The following GPC3 variants were observed in gnomAD, a reference collection of about 807,000 sequenced individuals.
The protein encoded by GPC3 is glypican 3, also known as glypican-3.
A neutral mutation model predicts 34.4 loss-of-function variants in GPC3; 3 were observed. The ratio of observed to expected loss-of-function variants is 0.09; its 90% confidence interval spans 0.04 to 0.23. The LOEUF (loss-of-function observed/expected upper bound fraction) is 0.23, where lower values mean the gene tolerates loss of function less well. Among genes scored for constraint, GPC3 ranks in the 10% least tolerant of loss-of-function variants. The pLI, the probability that GPC3 is intolerant of heterozygous loss-of-function variation, is 1.00. For missense variants in GPC3, 351 were observed against 445.6 expected (o/e 0.79, Z 1.91); for synonymous variants, 177 against 174.0 (o/e 1.02, Z -0.13).
At chrX:133,852,701 C>T (rs2124560540) in intron 2 of GPC3, among the ~76,000 whole-genome samples, 1 of 111,090 alleles carries the variant, frequency 9.0e-6, no homozygotes, top group East Asian at 2.8e-4. Flanking sequence ...CTGAAGGTGG[C>T]CAGGCTTCCA....
At chrX:133,786,256 G>A (rs757213406) in intron 2 of GPC3, among the ~76,000 whole-genome samples, 5 of 111,473 alleles carry the variant, frequency 4.5e-5, no homozygotes, top group South Asian at 3.8e-4. Context: ...TTAGCTGGGC[G>A]TGGTGGCAGG....
chrX:133,613,732 A>G (rs1332650268), intron 6 of GPC3, among the ~76,000 whole-genome samples: 1 of 112,079 alleles, frequency 8.9e-6, no homozygotes. Flanking sequence ...TGGCTCATAC[A>G]CAGGGGAAAA....
chrX:133,777,528 A>G (rs753733906), intron 2 of GPC3, among the ~76,000 whole-genome samples: 2 of 111,692 alleles, frequency 1.8e-5, no homozygotes, highest in East Asian at 5.7e-4. Context: ...CCATCATGAA[A>G]CTATTAATAT....
chrX:133,922,894 T>C (rs886610702), intron 2 of GPC3, among the ~76,000 whole-genome samples: 5 of 111,394 alleles, frequency 4.5e-5, no homozygotes, highest in Non-Finnish European at 9.4e-5. Flanking sequence ...CCAGCTTATT[T>C]ACTTGATCCT....
At chrX:133,788,512 C>T (rs893255365) in intron 2 of GPC3, among the ~76,000 whole-genome samples, 7 of 109,717 alleles carry the variant, frequency 6.4e-5, no homozygotes, top group Non-Finnish European at 1.3e-4. Context: ...AAGAGGTTGC[C>T]CCTTTCTTGC....
intron 3 of GPC3, among the ~76,000 whole-genome samples, chrX:133,713,398 A>G (rs1228668109): frequency 2.7e-5 from 3 of 112,240 alleles, no homozygotes; most frequent in African/African-American, 9.7e-5. Flanking sequence ...CACATTTTAA[A>G]AAAAGCTAGT....
At chrX:133,699,858 A>G in intron 4 of GPC3, 37 bp downstream of exon 4, 1 of 1,150,929 alleles carries the variant, frequency 8.7e-7, no homozygotes. Flanking sequence ...ACAATTGTTA[A>G]TTGTATTGTG....
chrX:133,683,525 C>T (rs1387613314), intron 5 of GPC3, among the ~76,000 whole-genome samples: 1 of 111,924 alleles, frequency 8.9e-6, no homozygotes, highest in African/African-American at 3.2e-5. Context: ...CTTTGTATCA[C>T]AAAATGATCC....
chrX:133,779,879 T>C (rs1381001155), intron 2 of GPC3, among the ~76,000 whole-genome samples: 1 of 111,342 alleles, frequency 9.0e-6, no homozygotes, highest in Non-Finnish European at 1.9e-5. Flanking sequence ...ACTCACCACC[T>C]CATAATTTTT....
intron 6 of GPC3, among the ~76,000 whole-genome samples, chrX:133,598,319 A>AT (rs775555818): frequency 2.6e-3 from 255 of 99,079 alleles, no homozygotes; most frequent in South Asian, 5.4e-3. Flanking sequence ...TCCCCAGCTA[A>AT]TTTTTTTTTT....
intron 6 of GPC3, among the ~76,000 whole-genome samples, chrX:133,658,798 A>G (rs774891300): frequency 2.7e-5 from 3 of 112,108 alleles, no homozygotes; most frequent in South Asian, 3.7e-4. Flanking sequence ...GGAAAAAGGA[A>G]TTGTAATAGC....
chrX:133,618,702 A>T (rs944318748), intron 6 of GPC3, among the ~76,000 whole-genome samples: 3 of 85,401 alleles, frequency 3.5e-5, no homozygotes, highest in African/African-American at 1.5e-4. Context: ...CACTGTATCA[A>T]AAAAAAAAAA....
intron 6 of GPC3, among the ~76,000 whole-genome samples, chrX:133,658,731 C>G (rs978018664): frequency 3.6e-5 from 4 of 111,885 alleles, no homozygotes; most frequent in African/African-American, 1.3e-4. Context: ...ATTGGCTGCT[C>G]AATGGTATTT....
At chrX:133,827,346 A>C (rs1050171582) in intron 2 of GPC3, among the ~76,000 whole-genome samples, 1 of 112,435 alleles carries the variant, frequency 8.9e-6, no homozygotes, top group African/African-American at 3.2e-5. Context: ...TTTTGCGTGT[A>C]ACCCCTTTTT....
chrX:133,611,063 G>A (rs2070105504), intron 6 of GPC3, among the ~76,000 whole-genome samples: 1 of 110,018 alleles, frequency 9.1e-6, no homozygotes, highest in Admixed American at 9.8e-5. Flanking sequence ...ATCAGTTGAG[G>A]GCAGGTAAAG....
intron 2 of GPC3, among the ~76,000 whole-genome samples, chrX:133,945,423 T>G (rs2076363353): frequency 9.1e-6 from 1 of 110,107 alleles, no homozygotes; most frequent in African/African-American, 3.3e-5. Context: ...AGTTTGAGTT[T>G]AATTGAGAAA....
At chrX:133,925,301 G>T (rs2076270359) in intron 2 of GPC3, among the ~76,000 whole-genome samples, 1 of 110,462 alleles carries the variant, frequency 9.1e-6, no homozygotes. Context: ...ACTGATTCTG[G>T]ATTTCAAGAG....
At chrX:133,556,886 CG>C (rs1394152015) in intron 7 of GPC3, among the ~76,000 whole-genome samples, 1 of 106,109 alleles carries the variant, frequency 9.4e-6, no homozygotes, top group East Asian at 3.0e-4. Flanking sequence ...CAAACCTGCA[CG>C]TTGTACACAT....
intron 2 of GPC3, among the ~76,000 whole-genome samples, chrX:133,765,676 T>G (rs2071837894): frequency 8.9e-6 from 1 of 111,755 alleles, no homozygotes; most frequent in South Asian, 3.8e-4. Context: ...AAAGGTCAAT[T>G]GCCAGTAGTG....
Sources: gnomAD v4.1 joint callset for allele counts (sites outside exome capture counted in the v4.1 genomes callset) on GRCh38, gnomAD v4.1.1 for gene constraint, MANE v1.5 for transcripts, NCBI Gene and HGNC (gene_info 2026-07-23, HGNC 2026-07-21) for gene names.